The following POU6F2 variants were observed in gnomAD, a reference collection of about 807,000 sequenced individuals.
POU6F2 encodes POU class 6 homeobox 2.
A neutral mutation model predicts 71.3 loss-of-function variants in POU6F2; 31 were observed. The ratio of observed to expected loss-of-function variants is 0.43; its 90% confidence interval spans 0.33 to 0.59. The LOEUF (loss-of-function observed/expected upper bound fraction) is 0.59. POU6F2 is among the 20% of genes least tolerant of loss of function. The pLI, the probability that POU6F2 is intolerant of heterozygous loss-of-function variation, is 0.04. For missense variants in POU6F2, 783 were observed against 856.8 expected, an observed-to-expected ratio of 0.91 and a Z score of 1.07; for synonymous variants, 347 against 355.7, an observed-to-expected ratio of 0.98 and a Z score of 0.27.
intron 5 of POU6F2, among the ~76,000 whole-genome samples, chr7:39,388,440 C>A (rs1786993040): frequency 6.6e-6 from 1 of 152,162 alleles, no homozygotes; most frequent in African/African-American, 2.4e-5. Context: ...CTCAGCCTCC[C>A]AAGTAGCTGA....
chr7:38,993,079 G>T (rs1406522677), intron 1 of POU6F2, among the ~76,000 whole-genome samples: 1 of 152,154 alleles, frequency 6.6e-6, no homozygotes, highest in Non-Finnish European at 1.5e-5. Context: ...TCAAAATAAT[G>T]TGTAAGTAAA....
At chr7:39,067,538 A>G (rs1379723637) in intron 1 of POU6F2, among the ~76,000 whole-genome samples, 1 of 152,086 alleles carries the variant, frequency 6.6e-6, no homozygotes, top group Non-Finnish European at 1.5e-5. Context: ...TCAGAATTAC[A>G]GCTAAATTAC....
chr7:39,118,358 G>C (rs761649221), intron 2 of POU6F2, among the ~76,000 whole-genome samples: 6 of 152,064 alleles, frequency 3.9e-5, no homozygotes, highest in Non-Finnish European at 8.8e-5. Context: ...AAACAGGAAT[G>C]GAAGGAGGAG....
chr7:39,029,197 T>C (rs1309803513), intron 1 of POU6F2, among the ~76,000 whole-genome samples: 1 of 152,188 alleles, frequency 6.6e-6, no homozygotes, highest in Non-Finnish European at 1.5e-5. Flanking sequence ...TCATTGCTAG[T>C]ACATAGAATT....
chr7:39,334,046 A>T (rs192046120), intron 4 of POU6F2, among the ~76,000 whole-genome samples: 10 of 152,370 alleles, frequency 6.6e-5, no homozygotes, highest in Admixed American at 6.5e-4. Context: ...GGTGGCTCAG[A>T]CAATACAAGG....
At chr7:39,000,556 CA>C (rs1300432390) in intron 1 of POU6F2, among the ~76,000 whole-genome samples, 57 of 142,820 alleles carry the variant, frequency 4.0e-4, no homozygotes, top group Admixed American at 4.8e-4. Flanking sequence ...CACACACACA[CA>C]CACACACACC....
intron 4 of POU6F2, among the ~76,000 whole-genome samples, chr7:39,234,831 A>G (rs1258148610): frequency 1.3e-5 from 2 of 152,226 alleles, no homozygotes; most frequent in East Asian, 1.9e-4. Flanking sequence ...ACATTCTGCT[A>G]TAATGTTATT....
At chr7:39,372,617 T>A (rs1033777003) in intron 5 of POU6F2, among the ~76,000 whole-genome samples, 11 of 152,198 alleles carry the variant, frequency 7.2e-5, no homozygotes, top group Non-Finnish European at 1.5e-4. Context: ...GTCTACCAAC[T>A]TAAATGTTCA....
At chr7:39,210,516 C>T (rs1794120186) in intron 4 of POU6F2, among the ~76,000 whole-genome samples, 1 of 152,184 alleles carries the variant, frequency 6.6e-6, no homozygotes, top group African/African-American at 2.4e-5. Flanking sequence ...TGTTCATTTA[C>T]ATCCCCTATC....
intron 2 of POU6F2, among the ~76,000 whole-genome samples, chr7:39,175,539 AG>A (rs1376791439): frequency 1.3e-5 from 2 of 152,312 alleles, no homozygotes; most frequent in African/African-American, 2.4e-5. Flanking sequence ...TGATACTTTT[AG>A]GGGCCCCTGA....
At chr7:39,056,662 C>CTGTGTGTGTGTGTG (rs749810621) in intron 1 of POU6F2, among the ~76,000 whole-genome samples, 2 of 113,330 alleles carry the variant, frequency 1.8e-5, no homozygotes, top group African/African-American at 7.5e-5. Context: ...CTCTCTCTCT[C>CTGTGTGTGTGTGTG]TGTGTGTGTG....
intron 1 of POU6F2, among the ~76,000 whole-genome samples, chr7:38,978,882 G>A (rs1788244151): frequency 6.6e-6 from 1 of 152,132 alleles, no homozygotes; most frequent in Non-Finnish European, 1.5e-5. Context: ...TTTCTGTTTG[G>A]TGCTTTCCGT....
At chr7:39,331,577 G>A (rs1040981541) in intron 4 of POU6F2, among the ~76,000 whole-genome samples, 3 of 151,954 alleles carry the variant, frequency 2.0e-5, no homozygotes, top group Non-Finnish European at 2.9e-5. Flanking sequence ...GTGCGATCTC[G>A]GCTCACTGCA....
intron 5 of POU6F2, chr7:39,373,502 A>G (rs770690010): frequency 6.6e-6 from 3 of 456,684 alleles, no homozygotes; most frequent in South Asian, 4.6e-5. Context: ...AGGAGTATGG[A>G]CTAAGGGAGA....
intron 4 of POU6F2, among the ~76,000 whole-genome samples, chr7:39,220,542 A>G (rs1445694347): frequency 6.6e-6 from 1 of 152,184 alleles, no homozygotes; most frequent in Non-Finnish European, 1.5e-5. Flanking sequence ...TGAGATGTTT[A>G]GTTAATACAG....
At chr7:38,994,055 A>C (rs1412895323) in intron 1 of POU6F2, among the ~76,000 whole-genome samples, 1 of 152,040 alleles carries the variant, frequency 6.6e-6, no homozygotes, top group African/African-American at 2.4e-5. Context: ...GTTAGTGCCA[A>C]CTCTTCTTTG....
chr7:39,150,313 C>T (rs1353050997), intron 2 of POU6F2, among the ~76,000 whole-genome samples: 1 of 150,384 alleles, frequency 6.6e-6, no homozygotes, highest in East Asian at 2.0e-4. Flanking sequence ...CTGCAATGAA[C>T]ATAGGAGTGT....
chr7:38,994,311 C>G (rs1006884077), intron 1 of POU6F2, among the ~76,000 whole-genome samples: 1 of 151,736 alleles, frequency 6.6e-6, no homozygotes, highest in African/African-American at 2.4e-5. Flanking sequence ...ATGACTGGTA[C>G]TCGGTGGGTT....
chr7:39,210,740 C>T (rs768525523), intron 4 of POU6F2, among the ~76,000 whole-genome samples: 24 of 152,086 alleles, frequency 1.6e-4, no homozygotes, highest in Admixed American at 5.9e-4. Context: ...AGGCTCTACC[C>T]GAGATACCCA....
Sources: allele counts gnomAD v4.1 joint callset (sites outside exome capture counted in the v4.1 genomes callset), GRCh38; gene constraint gnomAD v4.1.1; transcripts MANE v1.5; gene names NCBI Gene and HGNC (gene_info 2026-07-23, HGNC 2026-07-21).